Variants in LTBP1 observed in about 807,000 individuals in gnomAD.
The protein encoded by LTBP1 is latent-transforming growth factor beta-binding protein 1.
A neutral mutation model predicts 207.6 loss-of-function variants in LTBP1; 129 were observed. That is an observed-to-expected ratio of 0.62 (90% confidence interval 0.54 to 0.72). LTBP1 has a LOEUF of 0.72. Ranked by LOEUF, LTBP1 falls within the 30% of genes least tolerant of loss-of-function variation. LTBP1 has a pLI of 0.00. For missense variants in LTBP1, 2,281 were observed against 2,217.2 expected, an observed-to-expected ratio of 1.03 and a Z score of -0.58; for synonymous variants, 963 against 833.7, an observed-to-expected ratio of 1.16 and a Z score of -2.67.
At chr2:32,956,911 T>C (rs1678166986) in intron 2 of LTBP1, among the ~76,000 whole-genome samples, 1 of 152,240 alleles carries the variant, frequency 6.6e-6, no homozygotes, top group African/African-American at 2.4e-5. Flanking sequence ...TACATCTCCA[T>C]CACAGCTTAC....
At chr2:33,196,975 G>A (rs1193458229) in intron 7 of LTBP1, among the ~76,000 whole-genome samples, 2 of 152,294 alleles carry the variant, frequency 1.3e-5, no homozygotes, top group South Asian at 2.1e-4. Context: ...TGGAGTTAAA[G>A]GTTTCTGTAA....
chr2:32,958,294 C>T (rs1015840200), intron 2 of LTBP1, among the ~76,000 whole-genome samples: 1 of 152,190 alleles, frequency 6.6e-6, no homozygotes, highest in Admixed American at 6.5e-5. Context: ...GCATAGAGAG[C>T]AGGGCCCCTG....
intron 31 of LTBP1, among the ~76,000 whole-genome samples, chr2:33,377,542 AT>A (rs1326402527): frequency 6.6e-6 from 1 of 152,214 alleles, no homozygotes; most frequent in Non-Finnish European, 1.5e-5. Context: ...ACTCTCTGTT[AT>A]AAAAAATACT....
chr2:33,195,089 A>G (rs2088393706), intron 7 of LTBP1, among the ~76,000 whole-genome samples: 2 of 152,234 alleles, frequency 1.3e-5, no homozygotes, highest in Non-Finnish European at 2.9e-5. Flanking sequence ...ATTACTGCTC[A>G]TTGACAATGT....
At chr2:33,024,717 A>G (rs1448195195) in intron 3 of LTBP1, among the ~76,000 whole-genome samples, 1 of 152,226 alleles carries the variant, frequency 6.6e-6, no homozygotes, top group African/African-American at 2.4e-5. Context: ...ATTCAGATAC[A>G]TACAACTGGA....
chr2:33,307,510 T>C (rs2094117193), intron 22 of LTBP1, among the ~76,000 whole-genome samples: 1 of 152,110 alleles, frequency 6.6e-6, no homozygotes, highest in African/African-American at 2.4e-5. Flanking sequence ...TCAAAACTAT[T>C]ATGCCGAGAG....
rs147541798 is a variant in LTBP1 at position 32,965,249 on chromosome 2, A to G, written c.565+16304A>G. On this transcript the variant is annotated intron_variant, in intron 2 of 33. Transcript: ENST00000404816. ...ATTGAACAGAAAGTACAAAATTCCTATATACCTTTGACCCCACATACACAC... is the reference window on the plus strand; with the variant it reads ...ATTGAACAGAAAGTACAAAATTCCTGTATACCTTTGACCCCACATACACAC... 2.0e-3 allele frequency among the ~76,000 whole-genome samples: 307 copies of G among 152,262 alleles called. 2 individuals carry two copies. The highest frequency in any genetic ancestry group is 4.2e-3 in the Admixed American group (64 of 15,286).
intron 19 of LTBP1, chr2:33,291,762 G>T (rs903302791): frequency 1.3e-5 from 2 of 152,218 alleles, no homozygotes; most frequent in Non-Finnish European, 2.9e-5. Context: ...CCACATTTTA[G>T]TACAACTCCG....
chr2:33,337,310 T>C (rs1344581086), intron 24 of LTBP1, among the ~76,000 whole-genome samples: 2 of 152,210 alleles, frequency 1.3e-5, no homozygotes, highest in Non-Finnish European at 2.9e-5. Context: ...ATCTGCCAAG[T>C]AGATCAATAA....
chr2:33,392,636 G>T, intron 32 of LTBP1, among the ~76,000 whole-genome samples: 2 of 152,302 alleles, frequency 1.3e-5, no homozygotes, highest in Non-Finnish European at 2.9e-5. Flanking sequence ...GGCCAGATTT[G>T]GACCAGAGAC....
intron 31 of LTBP1, among the ~76,000 whole-genome samples, chr2:33,370,918 C>T (rs892721161): frequency 6.6e-6 from 1 of 152,222 alleles, no homozygotes; most frequent in African/African-American, 2.4e-5. Context: ...CCAGAGCGAG[C>T]TTTCACACTT....
chr2:33,263,032 T>C (rs1335427883), intron 14 of LTBP1, among the ~76,000 whole-genome samples: 3 of 152,082 alleles, frequency 2.0e-5, no homozygotes, highest in Non-Finnish European at 2.9e-5. Context: ...TTTACTGTTT[T>C]CTGTGATCAG....
Position 33,398,567 on chromosome 2 carries a change from G to T in LTBP1, c.*22G>T. On this transcript the variant is annotated 3_prime_UTR_variant, in exon 34 of 34. Coordinates refer to ENST00000404816, the MANE Select transcript of LTBP1 (RefSeq NM_206943.4). ...GTGAAACAGAATCTACATAACCTAA[G>T]CCCATATACTCTGCACTGTGTAAAG... is the stretch of plus-strand genomic sequence containing the variant. 1 of 1,608,000 alleles carries T rather than the reference G, an allele frequency of 6.2e-7. No individual in the cohort carries two copies. The highest frequency in any genetic ancestry group is 8.5e-7 in the Non-Finnish European group (1 of 1,176,272).
chr2:32,965,852 A>G (rs557423319), intron 2 of LTBP1, among the ~76,000 whole-genome samples: 1 of 152,314 alleles, frequency 6.6e-6, no homozygotes, highest in South Asian at 2.1e-4. Context: ...AAGGAGTGTG[A>G]TTCCTGAACT....
In LTBP1 at chr2:33,292,366, G is replaced by A. The variant is rs377118808; in HGVS notation, c.3113-794G>A. On this transcript the variant is annotated intron_variant, in intron 19 of 33. Coordinates refer to ENST00000404816, the MANE Select transcript of LTBP1 (RefSeq NM_206943.4). ...TGCCTGTGACAGAAACTTACAGTCA[G>A]GTTAAAAGGATAGGCTTGGGTTCAC... Among the ~76,000 whole-genome samples, 6 of 152,146 alleles carry A rather than the reference G, an allele frequency of 3.9e-5. No homozygotes were observed. In the East Asian group the frequency reaches 5.8e-4, roughly 15 times the overall value.
intron 5 of LTBP1, among the ~76,000 whole-genome samples, chr2:33,161,740 A>G (rs747921056): frequency 1.3e-5 from 2 of 152,268 alleles, no homozygotes; most frequent in Non-Finnish European, 2.9e-5. Context: ...TAACAAAGAA[A>G]GTAGAAACTT....
intron 17 of LTBP1, 54 bp downstream of exon 17, chr2:33,275,144 C>A (rs1249061899): frequency 6.2e-7 from 1 of 1,600,620 alleles, no homozygotes; most frequent in Non-Finnish European, 8.5e-7. Flanking sequence ...TTTTTAGATC[C>A]CCTAAGACTA....
rs555385386 is a variant in LTBP1, at chr2:33,123,363, A to G, written c.1034-11430A>G. On this transcript the variant is annotated intron_variant, in intron 4 of 33. Coordinates refer to ENST00000404816, the MANE Select transcript of LTBP1 (RefSeq NM_206943.4). ...AAACCTTTTCAGTAAGATTCCTGGA[A>G]TCCTATCATGCCTCCTGTTCATTCA... Among the ~76,000 whole-genome samples the G allele has an allele frequency of 1.3e-4, 20 of 151,762 alleles. No individual in the cohort carries two copies. In the South Asian group the frequency reaches 3.7e-3, roughly 28 times the overall value.
At chr2:33,097,322 T>C (rs957840690) in intron 3 of LTBP1, among the ~76,000 whole-genome samples, 6 of 152,180 alleles carry the variant, frequency 3.9e-5, no homozygotes, top group Admixed American at 2.6e-4. Context: ...ATAACATAAC[T>C]ACAGATAAAA....
Sources: gnomAD v4.1 joint callset for allele counts (sites outside exome capture counted in the v4.1 genomes callset) on GRCh38, gnomAD v4.1.1 for gene constraint, MANE v1.5 for transcripts, NCBI Gene and HGNC (gene_info 2026-07-23, HGNC 2026-07-21) for gene names.